The following RBBP6 variants were observed in gnomAD, a reference collection of about 807,000 sequenced individuals.
RBBP6 encodes E3 ubiquitin-protein ligase RBBP6.
Under a neutral mutation model 167.7 loss-of-function variants are expected in RBBP6, and 25 were observed. The ratio of observed to expected loss-of-function variants is 0.15; its 90% CI spans 0.11 to 0.21. The LOEUF (loss-of-function observed/expected upper bound fraction) is 0.21, where lower values mean the gene tolerates loss of function less well. RBBP6 is among the 10% of genes least tolerant of loss of function. The pLI is 1.00. For synonymous variants in RBBP6, 789 were observed against 735.8 expected (o/e 1.07, Z -1.17); for missense variants, 1,868 against 2,134.2 (o/e 0.88, Z 2.46).
At chr16:24,565,384 C>T (rs1899170186) in intron 14 of RBBP6, among the ~76,000 whole-genome samples, 1 of 152,234 alleles carries the variant, frequency 6.6e-6, no homozygotes, top group East Asian at 1.9e-4. Context: ...AAGTAAGAAT[C>T]TTACTGTCTA....
At chr16:24,561,011 A>G (rs989241727) in intron 8 of RBBP6, among the ~76,000 whole-genome samples, 5 of 151,380 alleles carry the variant, frequency 3.3e-5, no homozygotes, top group Non-Finnish European at 7.4e-5. Flanking sequence ...ACTTGGTATT[A>G]CTGGAGTTTT....
chr16:24,548,945 A>G lies in RBBP6; in HGVS notation c.267A>G (p.Ile89Met). Residue 89 changes from isoleucine to methionine, a missense_variant and splice_region_variant, in exon 3 of 18, where the codon ATA becomes ATG. By Grantham distance (10) the Ile-to-Met change is conservative. This residue lies in a region of RBBP6 where 184 missense variants were observed against 327.7 expected (regional missense o/e 0.56). Transcript: ENST00000319715. Reference protein sequence around the residue: ...GVKSTSKTYVISRTEPAMATT... With the variant: ...GVKSTSKTYVMSRTEPAMATT... ...TTTTTGTTTTTATTTTGTGTTTTAG[A>G]AGTCGAACTGAACCAGCGATGGCAA... The G allele has an allele frequency of 1.2e-6, 2 of 1,607,020 alleles. No homozygotes were observed. The highest frequency in any genetic ancestry group is 1.7e-6 in the Non-Finnish European group (2 of 1,176,350).
rs761345309 is a variant in RBBP6, at chr16:24,555,937, T to C, written c.534+20T>C. On this transcript the variant is annotated intron_variant, in intron 6 of 17. Coordinates refer to ENST00000319715, the MANE Select transcript of RBBP6 (RefSeq NM_006910.5). ...AATGGGGTAAGTTCAAAGCAGAAACTATGGTATATCTTACTTTTTTTCCTT... is the reference window on the plus strand; with the variant it reads ...AATGGGGTAAGTTCAAAGCAGAAACCATGGTATATCTTACTTTTTTTCCTT... The C allele has an allele frequency of 6.5e-7, 1 of 1,527,954 alleles. No individual in the cohort carries two copies. The highest frequency in any genetic ancestry group is 1.7e-5 in the Admixed American group (1 of 59,766). The allele number at this position is 1,527,954 out of a possible 1,614,324, so 94.6% of individuals were successfully genotyped here. A position where few individuals can be genotyped will look rare whatever the true frequency, so the allele number is the denominator to read the frequency against.
intron 15 of RBBP6, 21 bp from the exon 16 acceptor site, chr16:24,567,763 ACTTTCACT>A: frequency 6.5e-7 from 1 of 1,544,414 alleles, no homozygotes; most frequent in Non-Finnish European, 8.8e-7. Context: ...GTTTTTGTTA[ACTTTCACT>A]CTTTAACTTT....
At chr16:24,567,028 T>A (rs1440625112) in intron 14 of RBBP6, 115 bp from the exon 15 acceptor site, 1 of 1,061,316 alleles carries the variant, frequency 9.4e-7, no homozygotes, top group Non-Finnish European at 1.3e-6. Context: ...GTTGAATAGT[T>A]GGTTCTATTC....
chr16:24,563,516 T>C lies in RBBP6; in HGVS notation c.1465+15T>C. The C allele has an allele frequency of 6.2e-7, 1 of 1,613,088 alleles. No homozygotes were observed. Among genetic ancestry groups the C allele is most frequent in the Non-Finnish European group, 8.5e-7 (1 of 1,179,438 alleles). Reference sequence around the variant, plus strand: ...CCCCACAACTGGTGAGTAAGATCACTTTGGTTTAGACCTTTTTCCCTTTAA... The same window carrying C: ...CCCCACAACTGGTGAGTAAGATCACCTTGGTTTAGACCTTTTTCCCTTTAA... On this transcript the variant is annotated intron_variant, in intron 12 of 17. Coordinates refer to ENST00000319715, the MANE Select transcript of RBBP6 (RefSeq NM_006910.5).
At chr16:24,568,239 G>A (rs1264577441) in intron 16 of RBBP6, among the ~76,000 whole-genome samples, 1 of 152,168 alleles carries the variant, frequency 6.6e-6, no homozygotes, top group African/African-American at 2.4e-5. Context: ...GCTTCTTGCT[G>A]GAACATTAAC....
In RBBP6 at chr16:24,572,179, A is replaced by G. The variant is rs776904057; in HGVS notation, c.5113A>G (p.Ser1705Gly). The G allele has an allele frequency of 6.2e-6, 10 of 1,614,084 alleles. No individual in the cohort carries two copies. The highest frequency in any genetic ancestry group is 2.2e-5 in the South Asian group (2 of 91,084). Residue 1705 changes from serine to glycine, a missense_variant, in exon 18 of 18, where the codon AGT becomes GGT. Physicochemically the swap from Ser to Gly is moderately conservative, Grantham distance 56 (BLOSUM62 0). This residue lies in a region of RBBP6 where 591 missense variants were observed against 540.5 expected (regional missense o/e 1.09). Coordinates refer to ENST00000319715, the MANE Select transcript of RBBP6 (RefSeq NM_006910.5). ...SPSVSPSRSHSPSGSQTRSHS... is the reference protein window; with the variant it reads ...SPSVSPSRSHGPSGSQTRSHS... ...CAGCGTCAGCCCCAGCAGAAGCCAC[A>G]GTCCTTCTGGAAGCCAGACCCGAAG... is the stretch of plus-strand genomic sequence containing the variant.
At chr16:24,562,182 CT>C (rs1206742137) in intron 10 of RBBP6, 21 bp downstream of exon 10, 1 of 1,556,550 alleles carries the variant, frequency 6.4e-7, no homozygotes, top group Admixed American at 1.7e-5. Flanking sequence ...GTGTTTTTCA[CT>C]GTTAGAAACC....
Position 24,571,501 on chromosome 16 carries a change from A to T in RBBP6, c.4435A>T (p.Thr1479Ser). The change falls in exon 18 of 18, where the codon ACC becomes TCC. Residue 1479 changes from threonine to serine, a missense_variant. By Grantham distance (58) the Thr-to-Ser change is moderately conservative. Around this residue, in one of 7 missense-constraint regions of RBBP6, gnomAD observed 591 missense variants for 540.5 expected, o/e 1.09. Transcript: ENST00000319715. Reference sequence around the variant, plus strand: ...TAGAGACAAAAAAACTGACTATGACACCAGAGAGTATTCAAGTTCCAAACG... The same window carrying T: ...TAGAGACAAAAAAACTGACTATGACTCCAGAGAGTATTCAAGTTCCAAACG... Reference protein sequence around the residue: ...PNRDKKTDYDTREYSSSKRRD... With the variant: ...PNRDKKTDYDSREYSSSKRRD... 1.9e-6 allele frequency: 3 copies of T among 1,613,328 alleles called. No individual in the cohort carries two copies. Among genetic ancestry groups the T allele is most frequent in the Non-Finnish European group, 2.5e-6 (3 of 1,179,844 alleles).
chr16:24,547,105 G>A (rs1204940134), intron 2 of RBBP6, among the ~76,000 whole-genome samples: 1 of 152,160 alleles, frequency 6.6e-6, no homozygotes, highest in Non-Finnish European at 1.5e-5. Flanking sequence ...GAATTAGGTA[G>A]TATTGTTTGA....
chr16:24,540,701 C>T lies in RBBP6; in HGVS notation c.75C>T (p.Ser25=), dbSNP rs775103887. 1.9e-5 allele frequency: 31 copies of T among 1,614,010 alleles called. No homozygotes were observed. The Admixed American group carries it at 3.7e-4, about 19-fold the overall frequency. Residue 25 remains serine (S), a synonymous_variant, in exon 1 of 18, where the codon TCC becomes TCT. Coordinates refer to ENST00000319715, the MANE Select transcript of RBBP6 (RefSeq NM_006910.5). ...TCACCTTTGATGGGCTCCACATCTC[C>T]CTCTGCGACTTAAAGAAGCAGATTA... is the stretch of plus-strand genomic sequence containing the variant. The part of the protein sequence containing the change: ...DTVTFDGLHI[S]LCDLKKQIMG...
At chr16:24,540,884 T>C in intron 1 of RBBP6, 92 bp downstream of exon 1, 1 of 1,433,450 alleles carries the variant, frequency 7.0e-7, no homozygotes, top group Non-Finnish European at 9.4e-7. Context: ...ATTATGTCTC[T>C]AGTGGGGACT....
chr16:24,554,713 A>G (rs574739405), intron 4 of RBBP6: 57 of 149,580 alleles, frequency 3.8e-4, no homozygotes, highest in African/African-American at 1.3e-3. Flanking sequence ...TTTTTGGTCT[A>G]TTCCTACCAT....
intron 1 of RBBP6, among the ~76,000 whole-genome samples, chr16:24,541,082 G>C (rs908188816): frequency 1.3e-5 from 2 of 150,388 alleles, no homozygotes; most frequent in African/African-American, 4.9e-5. Context: ...GAGGGGGATA[G>C]CTATCTAGAC....
chr16:24,555,758 C>G (rs948666357), intron 5 of RBBP6, 55 bp downstream of exon 5: 3 of 1,588,786 alleles, frequency 1.9e-6, no homozygotes, highest in African/African-American at 1.3e-5. Flanking sequence ...GTTTTCCCCC[C>G]CAATCAAAAG....
intron 7 of RBBP6, among the ~76,000 whole-genome samples, 172 bp downstream of exon 7, chr16:24,556,619 A>T (rs1043921635): frequency 6.6e-6 from 1 of 152,222 alleles, no homozygotes; most frequent in African/African-American, 2.4e-5. Context: ...CTCCATTTAA[A>T]GCAAATTTAA....
In RBBP6 at chr16:24,539,973, C is replaced by T. The variant is rs1898440736; in HGVS notation, c.-654C>T. ...GGGGGCGGCCTGCGGGAAGGCCTCTCCTCCGCCGACCGCGCGTTTTCGGCC... is the reference window on the plus strand; with the variant it reads ...GGGGGCGGCCTGCGGGAAGGCCTCTTCTCCGCCGACCGCGCGTTTTCGGCC... On this transcript the variant is annotated 5_prime_UTR_variant, in exon 1 of 18. Transcript: ENST00000319715. 2 of 152,650 alleles carry T rather than the reference C, an allele frequency of 1.3e-5. No homozygotes were observed. Among genetic ancestry groups the T allele is most frequent in the African/African-American group, 2.4e-5 (1 of 41,462 alleles). The allele number at this position is 152,650 out of a possible 1,614,324, so 9.5% of individuals were successfully genotyped here.
intron 8 of RBBP6, among the ~76,000 whole-genome samples, chr16:24,560,821 C>CTAT (rs1899034395): frequency 6.6e-6 from 1 of 152,150 alleles, no homozygotes; most frequent in African/African-American, 2.4e-5. Flanking sequence ...TATGCAAATA[C>CTAT]TATGCCTTTG....
Sources: allele counts gnomAD v4.1 joint callset (sites outside exome capture counted in the v4.1 genomes callset), GRCh38; gene constraint gnomAD v4.1.1; regional missense constraint gnomAD v4.1.1; transcripts MANE v1.5; gene names NCBI Gene and HGNC (gene_info 2026-07-23, HGNC 2026-07-21).